ITM2B: variants seen among roughly 807,000 people sequenced by gnomAD.
The protein encoded by ITM2B is ABri/ADan amyloid peptide.
In ITM2B, 11 loss-of-function variants were observed where a neutral mutation model predicts 27.8. The ratio of observed to expected loss-of-function variants is 0.40; its 90% CI spans 0.25 to 0.66. The LOEUF (loss-of-function observed/expected upper bound fraction) is 0.66. Among genes scored for constraint, ITM2B ranks in the 30% least tolerant of loss-of-function variants. The probability of loss-of-function intolerance (pLI) is 0.43; values close to 1 mark genes in which losing one functional copy is unlikely to be tolerated. For missense variants in ITM2B, 296 were observed against 328.9 expected, an observed-to-expected ratio of 0.90 and a Z score of 0.77; for synonymous variants, 114 against 114.3, an observed-to-expected ratio of 1.00 and a Z score of 0.02.
intron 1 of ITM2B, among the ~76,000 whole-genome samples, chr13:48,247,983 A>G (rs532816869): frequency 2.1e-4 from 32 of 151,868 alleles, no homozygotes; most frequent in African/African-American, 6.0e-4. Context: ...AAGGTGCACC[A>G]GTTTTATTGC....
At chr13:48,235,355 T>G (rs1303676915) in intron 1 of ITM2B, among the ~76,000 whole-genome samples, 1 of 152,168 alleles carries the variant, frequency 6.6e-6, no homozygotes, top group African/African-American at 2.4e-5. Flanking sequence ...TTTTCTCAGA[T>G]CCTCCATATC....
intron 1 of ITM2B, among the ~76,000 whole-genome samples, chr13:48,242,785 A>T (rs952451819): frequency 5.3e-5 from 8 of 151,310 alleles, no homozygotes; most frequent in African/African-American, 1.9e-4. Flanking sequence ...TTTTCTCCTT[A>T]TATCTTTTTT....
At chr13:48,239,797 A>G (rs1443540916) in intron 1 of ITM2B, among the ~76,000 whole-genome samples, 1 of 152,222 alleles carries the variant, frequency 6.6e-6, no homozygotes, top group Non-Finnish European at 1.5e-5. Flanking sequence ...AATCTCCTTT[A>G]AAGTGGAACG....
chr13:48,260,508 T>TCCTCCCTC (rs746140490), intron 5 of ITM2B, among the ~76,000 whole-genome samples: 1 of 151,974 alleles, frequency 6.6e-6, no homozygotes, highest in East Asian at 1.9e-4. Context: ...AACCCTTACC[T>TCCTCCCTC]CCTCCCTCCC....
At chr13:48,258,335 T>C in intron 4 of ITM2B, 99 bp downstream of exon 4, 1 of 756,108 alleles carries the variant, frequency 1.3e-6, no homozygotes, top group Non-Finnish European at 2.4e-6. Context: ...TTTATCAGAC[T>C]GTAGTTAAGA....
At chr13:48,250,681 A>G (rs1951750966) in intron 1 of ITM2B, among the ~76,000 whole-genome samples, 1 of 152,204 alleles carries the variant, frequency 6.6e-6, no homozygotes, top group African/African-American at 2.4e-5. Flanking sequence ...GCTAATGCCA[A>G]GCCTAAGCTT....
intron 1 of ITM2B, among the ~76,000 whole-genome samples, chr13:48,238,330 T>G (rs1320410336): frequency 6.6e-6 from 1 of 152,312 alleles, no homozygotes; most frequent in Non-Finnish European, 1.5e-5. Context: ...TTTTAAATTA[T>G]TGTGCATTCT....
rs1951824353 is a variant in ITM2B at position 48,261,713 on chromosome 13, CTATT to C, written c.*492_*495del. 1 of 153,146 alleles carries C rather than the reference CTATT, an allele frequency of 6.5e-6. No individual in the cohort carries two copies. The highest frequency in any genetic ancestry group is 1.5e-5 in the Non-Finnish European group (1 of 68,406). The allele number at this position is 153,146 out of a possible 1,614,324, so 9.5% of individuals were successfully genotyped here. Reference sequence around the variant, plus strand: ...TATTTTCAGTGTCAAATATATTTAACTATTTAGAGAATGATTTCCACCTTTATGT... The same window carrying C: ...TATTTTCAGTGTCAAATATATTTAACTAGAGAATGATTTCCACCTTTATGT... On this transcript the variant is annotated 3_prime_UTR_variant, in exon 6 of 6. Coordinates refer to ENST00000647800, the MANE Select transcript of ITM2B (RefSeq NM_021999.5).
intron 1 of ITM2B, among the ~76,000 whole-genome samples, chr13:48,251,896 C>T (rs1951758169): frequency 1.3e-5 from 2 of 152,200 alleles, no homozygotes; most frequent in Admixed American, 1.3e-4. Flanking sequence ...TTCATAATAC[C>T]TTATGACTCC....
At chr13:48,254,478 T>G (rs921212077) in intron 2 of ITM2B, among the ~76,000 whole-genome samples, 2 of 152,240 alleles carry the variant, frequency 1.3e-5, no homozygotes, top group Non-Finnish European at 1.5e-5. Flanking sequence ...TTTGAGTGTT[T>G]AATAGTAATC....
intron 1 of ITM2B, among the ~76,000 whole-genome samples, chr13:48,249,551 A>G (rs1272915993): frequency 6.6e-6 from 1 of 152,192 alleles, no homozygotes; most frequent in East Asian, 1.9e-4. Context: ...CTACATAGAC[A>G]GATTATTTAC....
chr13:48,258,713 T>C (rs1951804332), intron 4 of ITM2B, 84 bp from the exon 5 acceptor site: 1 of 1,246,650 alleles, frequency 8.0e-7, no homozygotes, highest in Non-Finnish European at 1.2e-6. Flanking sequence ...CATACCATAA[T>C]GTGTAAGAAT....
At chr13:48,238,610 T>A (rs1951682135) in intron 1 of ITM2B, among the ~76,000 whole-genome samples, 2 of 152,200 alleles carry the variant, frequency 1.3e-5, no homozygotes, top group Admixed American at 6.5e-5. Flanking sequence ...GAAATAAAAT[T>A]TTCACAGCTT....
At chr13:48,247,570 T>C (rs9332266) in intron 1 of ITM2B, among the ~76,000 whole-genome samples, 3,550 of 152,238 alleles carry the variant, frequency 0.023, 125 homozygotes, top group African/African-American at 0.081. Context: ...GAGAACAGAA[T>C]TGAAATTATA....
chr13:48,256,233 T>C lies in ITM2B; in HGVS notation c.303T>C (p.Asn101=), dbSNP rs1452752272. 1 of 1,613,926 alleles carries C rather than the reference T, an allele frequency of 6.2e-7. No homozygotes were observed. The highest frequency in any genetic ancestry group is 2.2e-5 in the East Asian group (1 of 44,874). ...ACATCAAAGATGATGTCATCTTAAA[T>C]GAGCCCTCTGCAGATGCCCCAGCTG... ...IKYIKDDVIL[N]EPSADAPAAL... is the part of the protein sequence containing the mutation. The change falls in exon 3 of 6, where the codon AAT becomes AAC. Residue 101 remains asparagine (N), a synonymous_variant. Transcript: ENST00000647800.
In ITM2B at chr13:48,264,064, T is replaced by C. The variant is rs1268514256; in HGVS notation, c.*2840T>C. 1.3e-5 allele frequency: 2 copies of C among 152,148 alleles called. No individual in the cohort carries two copies. The highest frequency in any genetic ancestry group is 4.8e-5 in the African/African-American group (2 of 41,436). 9.4% of individuals were successfully genotyped at this position (152,148 alleles called of 1,614,324 possible). On this transcript the variant is annotated 3_prime_UTR_variant, in exon 6 of 6. Transcript: ENST00000647800. ...AAAAGTACAGAAGTCAAGATGAGAC[T>C]ATATAAATCTTGACAAGTTGTTGGC...
At chr13:48,254,060 G>C in intron 2 of ITM2B, 124 bp downstream of exon 2, 1 of 891,690 alleles carries the variant, frequency 1.1e-6, no homozygotes, top group Non-Finnish European at 1.8e-6. Context: ...TTCAGCCAGA[G>C]TGGTAGTTCT....
At chr13:48,251,241 A>T (rs1593393501) in intron 1 of ITM2B, among the ~76,000 whole-genome samples, 1 of 152,164 alleles carries the variant, frequency 6.6e-6, no homozygotes, top group East Asian at 1.9e-4. Context: ...AATTTTGAAA[A>T]ATCATTGCCA....
At chr13:48,259,706 T>C (rs1012654458) in intron 5 of ITM2B, among the ~76,000 whole-genome samples, 2 of 151,888 alleles carry the variant, frequency 1.3e-5, no homozygotes, top group Admixed American at 6.6e-5. Context: ...CTTTTTTTTT[T>C]TTTTTTCCAA....
Sources: allele counts gnomAD v4.1 joint callset (sites outside exome capture counted in the v4.1 genomes callset), GRCh38; gene constraint gnomAD v4.1.1; transcripts MANE v1.5; gene names NCBI Gene and HGNC (gene_info 2026-07-23, HGNC 2026-07-21).